Variants in FRAS1 observed in about 807,000 individuals in gnomAD.
FRAS1 encodes the protein extracellular matrix organizing protein FRAS1.
Under a neutral mutation model 435.2 loss-of-function variants are expected in FRAS1, and 290 were observed. That is an observed-to-expected ratio of 0.67 (90% CI 0.61 to 0.73). FRAS1 has a LOEUF of 0.73. Ranked by LOEUF, FRAS1 falls within the 30% of genes least tolerant of loss-of-function variation. The pLI is 0.00. For missense variants in FRAS1, 4,860 were observed against 5,001.5 expected (o/e 0.97, Z 0.85); for synonymous variants, 1,800 against 1,851.0 (o/e 0.97, Z 0.71).
intron 9 of FRAS1, among the ~76,000 whole-genome samples, chr4:78,271,946 T>C (rs1328881886): frequency 6.6e-6 from 1 of 152,226 alleles, no homozygotes; most frequent in Non-Finnish European, 1.5e-5. Context: ...GTAAAAGTGT[T>C]CCTATTTCTC....
At chr4:78,291,869 A>C (rs1400898902) in intron 14 of FRAS1, among the ~76,000 whole-genome samples, 1 of 152,192 alleles carries the variant, frequency 6.6e-6, no homozygotes, top group East Asian at 1.9e-4. Flanking sequence ...CAAACAACTG[A>C]ACATTTTACA....
chr4:78,145,267 C>T (rs1211212039), intron 2 of FRAS1, among the ~76,000 whole-genome samples: 1 of 152,094 alleles, frequency 6.6e-6, no homozygotes, highest in Non-Finnish European at 1.5e-5. Context: ...TCTAGGTAGG[C>T]CACTCACAGA....
intron 2 of FRAS1, among the ~76,000 whole-genome samples, chr4:78,222,611 CAGTA>C (rs1313665427): frequency 6.6e-6 from 1 of 152,174 alleles, no homozygotes; most frequent in Non-Finnish European, 1.5e-5. Flanking sequence ...GTAAAACAAA[CAGTA>C]GGTGGGATGG....
rs1578101397 is a variant in FRAS1 at position 78,066,162 on chromosome 4, T to G, written c.108+146T>G. The G allele has an allele frequency of 1.6e-5, 11 of 673,044 alleles. No individual in the cohort carries two copies. In the East Asian group the frequency reaches 3.0e-4, roughly 18 times the overall value. 41.7% of individuals were successfully genotyped at this position (673,044 alleles called of 1,614,324 possible). A position where few individuals can be genotyped will look rare whatever the true frequency, so the allele number is the denominator to read the frequency against. On this transcript the variant is annotated intron_variant, in intron 2 of 73. Coordinates refer to ENST00000512123, the MANE Select transcript of FRAS1 (RefSeq NM_025074.7). ...ACAATTAGCCCTCATTCGGGCACAA[T>G]GATGCTCAATTATTTAATACCTTTT...
At chr4:78,321,790 G>C (rs914508251) in intron 18 of FRAS1, among the ~76,000 whole-genome samples, 2 of 148,726 alleles carry the variant, frequency 1.3e-5, no homozygotes, top group Non-Finnish European at 1.5e-5. Flanking sequence ...GTTACAGTGA[G>C]CTGAGATCAC....
At chr4:78,304,395 CT>C (rs1309709773) in intron 14 of FRAS1, among the ~76,000 whole-genome samples, 6 of 152,194 alleles carry the variant, frequency 3.9e-5, no homozygotes, top group Non-Finnish European at 8.8e-5. Context: ...AGAATTTCCT[CT>C]TTTTCTATTG....
chr4:78,287,650 T>C (rs1027926986), intron 14 of FRAS1, among the ~76,000 whole-genome samples: 1 of 152,152 alleles, frequency 6.6e-6, no homozygotes, highest in Admixed American at 6.6e-5. Context: ...TAAAATCATT[T>C]GCAGGAAAAT....
At chr4:78,104,595 C>T (rs1245469066) in intron 2 of FRAS1, among the ~76,000 whole-genome samples, 1 of 152,162 alleles carries the variant, frequency 6.6e-6, no homozygotes, top group Non-Finnish European at 1.5e-5. Flanking sequence ...TTAATTAATT[C>T]ATTTAAAGGA....
rs919946202 is a variant in FRAS1 at position 78,194,250 on chromosome 4, T to C, written c.109-43260T>C. Among the ~76,000 whole-genome samples the C allele has an allele frequency of 2.0e-5, 3 of 152,214 alleles. No homozygotes were observed. The East Asian group carries it at 5.8e-4, about 29-fold the overall frequency. ...TTGGTGAATCTGACAGTTAGGTATCTTGGAGTTGCTCTTCTCGAGGAATAT... is the reference window on the plus strand; with the variant it reads ...TTGGTGAATCTGACAGTTAGGTATCCTGGAGTTGCTCTTCTCGAGGAATAT... On this transcript the variant is annotated intron_variant, in intron 2 of 73. Coordinates refer to ENST00000512123, the MANE Select transcript of FRAS1 (RefSeq NM_025074.7).
intron 20 of FRAS1, among the ~76,000 whole-genome samples, chr4:78,338,318 T>C (rs960369613): frequency 6.6e-6 from 1 of 151,846 alleles, no homozygotes; most frequent in Non-Finnish European, 1.5e-5. Context: ...AAAAAAAAAT[T>C]AGGAAAGCAG....
chr4:78,287,942 T>A (rs1243041661), intron 14 of FRAS1, among the ~76,000 whole-genome samples: 1 of 152,188 alleles, frequency 6.6e-6, no homozygotes, highest in Middle Eastern at 3.2e-3. Flanking sequence ...GGAGGCTCTT[T>A]GGTGTCTACA....
intron 2 of FRAS1, among the ~76,000 whole-genome samples, chr4:78,207,543 T>C (rs17003052): frequency 0.03 from 4,595 of 152,264 alleles, 221 homozygotes; most frequent in African/African-American, 0.098. Context: ...AAGAGGGAGA[T>C]GTAGTAATGA....
intron 2 of FRAS1, among the ~76,000 whole-genome samples, chr4:78,105,906 C>T (rs1169925667): frequency 1.5e-5 from 2 of 136,112 alleles, no homozygotes; most frequent in South Asian, 2.3e-4. Flanking sequence ...GTGCGCGAGC[C>T]GAAGCAGGGC....
rs748773105 is a variant in FRAS1 at position 78,363,622 on chromosome 4, T to C, written c.2532T>C (p.Pro844=). Residue 844 remains proline (P), a synonymous_variant, in exon 21 of 74, where the codon CCT becomes CCC. Transcript: ENST00000512123. ...HYLLLGDHCV[P]DCPSGYYAER... is the part of the protein sequence containing the mutation. ...TGCTGCTCGGGGACCACTGTGTTCC[T>C]GACTGCCCTTCAGGATACTATGCAG... 8.1e-6 allele frequency: 13 copies of C among 1,604,346 alleles called. No homozygotes were observed. Among genetic ancestry groups the C allele is most frequent in the Admixed American group, 1.7e-5 (1 of 58,612 alleles).
At chr4:78,273,281 T>C (rs1257781707) in intron 9 of FRAS1, among the ~76,000 whole-genome samples, 1 of 152,220 alleles carries the variant, frequency 6.6e-6, no homozygotes, top group Non-Finnish European at 1.5e-5. Context: ...TGACTTCCTC[T>C]TTTCCTAATT....
At chr4:78,370,148 C>A (rs1731446379) in intron 23 of FRAS1, among the ~76,000 whole-genome samples, 164 bp downstream of exon 23, 1 of 152,126 alleles carries the variant, frequency 6.6e-6, no homozygotes, top group South Asian at 2.1e-4. Flanking sequence ...TTAATTCACT[C>A]CTTTATTTAC....
intron 2 of FRAS1, among the ~76,000 whole-genome samples, chr4:78,233,519 A>C (rs930894057): frequency 1.3e-5 from 1 of 79,864 alleles, no homozygotes; most frequent in African/African-American, 4.1e-5. Context: ...AAAATGAAAT[A>C]GTTAGAAGAC....
chr4:78,474,590 CA>C (rs1402717665), intron 53 of FRAS1, among the ~76,000 whole-genome samples: 1 of 152,148 alleles, frequency 6.6e-6, no homozygotes, highest in Non-Finnish European at 1.5e-5. Flanking sequence ...TCAATAAATT[CA>C]ATAAAATTCA....
chr4:78,481,853 C>T lies in FRAS1; in HGVS notation c.8493C>T (p.Phe2831=), dbSNP rs774409872. ...VIRHGTDLST[F]ASVWCATRPS... Reference sequence around the variant, plus strand: ...GCCATGGTACTGACCTCTCTACTTTCGCATCTGTCTGGTGTGCAACGCGGC... The same window carrying T: ...GCCATGGTACTGACCTCTCTACTTTTGCATCTGTCTGGTGTGCAACGCGGC... The change falls in exon 57 of 74, where the codon TTC becomes TTT. Residue 2831 remains phenylalanine (F), a synonymous_variant. Transcript: ENST00000512123. The T allele has an allele frequency of 1.4e-5, 23 of 1,613,786 alleles. No homozygotes were observed. Among genetic ancestry groups the T allele is most frequent in the Middle Eastern group, 3.3e-4 (2 of 6,082 alleles).
Sources: allele counts gnomAD v4.1 joint callset (sites outside exome capture counted in the v4.1 genomes callset), GRCh38; gene constraint gnomAD v4.1.1; transcripts MANE v1.5; gene names NCBI Gene and HGNC (gene_info 2026-07-23, HGNC 2026-07-21).